Variants in PABPC4L observed in about 807,000 individuals in gnomAD.
The protein encoded by PABPC4L is poly(A) binding protein cytoplasmic 4 like, also known as polyadenylate-binding protein 4-like.
For missense variants in PABPC4L, 452 were observed against 451.4 expected (o/e 1.00, Z -0.01); for synonymous variants, 169 against 164.1 (o/e 1.03, Z -0.23).
the PABPC4L span, among the ~76,000 whole-genome samples, chr4:134,066,753 A>G: frequency 2.4e-4 from 36 of 151,996 alleles, no homozygotes; most frequent in African/African-American, 3.4e-4. Flanking sequence ...ACATGAAGAG[A>G]GGTTGAATTT....
the PABPC4L span, among the ~76,000 whole-genome samples, chr4:133,960,263 G>A: frequency 2.0e-5 from 3 of 152,218 alleles, no homozygotes; most frequent in African/African-American, 4.8e-5. Flanking sequence ...AACTGCAGAA[G>A]TGGGAAAGGA....
chr4:134,059,990 T>C, the PABPC4L span, among the ~76,000 whole-genome samples: 24 of 152,224 alleles, frequency 1.6e-4, no homozygotes, highest in East Asian at 3.1e-3. Flanking sequence ...CCCTCCCACA[T>C]ACTCCAGTAG....
chr4:134,078,828 T>C, the PABPC4L span, among the ~76,000 whole-genome samples: 1 of 151,046 alleles, frequency 6.6e-6, no homozygotes, highest in Non-Finnish European at 1.5e-5. Flanking sequence ...AATTTTTTTT[T>C]CTTTTTTTTC....
the PABPC4L span, among the ~76,000 whole-genome samples, chr4:134,007,286 T>G: frequency 1.4e-4 from 21 of 151,916 alleles, no homozygotes; most frequent in Admixed American, 1.1e-3. Flanking sequence ...TATCTAATTC[T>G]TTTAATATGT....
At chr4:134,058,519 CA>C in the PABPC4L span, among the ~76,000 whole-genome samples, 1 of 151,838 alleles carries the variant, frequency 6.6e-6, no homozygotes, top group Non-Finnish European at 1.5e-5. Context: ...CGAGTTATTG[CA>C]ACAAGATGGA....
the PABPC4L span, among the ~76,000 whole-genome samples, chr4:134,079,916 A>AT: frequency 4.9e-4 from 74 of 151,510 alleles, no homozygotes; most frequent in African/African-American, 1.5e-3. Context: ...GTTTAAAAAA[A>AT]TTTTTTTTTG....
At chr4:133,953,317 T>G in the PABPC4L span, among the ~76,000 whole-genome samples, 4 of 152,176 alleles carry the variant, frequency 2.6e-5, no homozygotes, top group Non-Finnish European at 1.5e-5. Flanking sequence ...TCCTCTACAG[T>G]GGAAACCATG....
chr4:134,077,635 T>C, the PABPC4L span, among the ~76,000 whole-genome samples: 1 of 152,070 alleles, frequency 6.6e-6, no homozygotes, highest in Non-Finnish European at 1.5e-5. Flanking sequence ...ACGTAGAAAG[T>C]CTCTCCTAAG....
chr4:134,087,543 G>C, the PABPC4L span, among the ~76,000 whole-genome samples: 1 of 152,142 alleles, frequency 6.6e-6, no homozygotes, highest in Admixed American at 6.6e-5. Flanking sequence ...CCTAACACCA[G>C]TTGTGCTGCA....
chr4:134,178,824 T>C, the PABPC4L span, among the ~76,000 whole-genome samples: 2 of 151,914 alleles, frequency 1.3e-5, no homozygotes, highest in Non-Finnish European at 2.9e-5. Context: ...TCCTTTGAAA[T>C]AACTCAGAAA....
At chr4:134,123,442 G>T in the PABPC4L span, among the ~76,000 whole-genome samples, 1 of 152,018 alleles carries the variant, frequency 6.6e-6, no homozygotes, top group South Asian at 2.1e-4. Context: ...TTTAACCTCA[G>T]CCAGAAAGGT....
At chr4:134,083,443 A>C in the PABPC4L span, among the ~76,000 whole-genome samples, 1 of 152,270 alleles carries the variant, frequency 6.6e-6, no homozygotes, top group African/African-American at 2.4e-5. Context: ...ATTGATTCTC[A>C]CATTCCTCTC....
At chr4:134,141,724 A>G in the PABPC4L span, among the ~76,000 whole-genome samples, 1 of 151,642 alleles carries the variant, frequency 6.6e-6, no homozygotes, top group African/African-American at 2.4e-5. Context: ...ATATTTTCAT[A>G]TATTTATAAA....
chr4:133,950,778 C>A, the PABPC4L span, among the ~76,000 whole-genome samples: 3 of 152,206 alleles, frequency 2.0e-5, no homozygotes, highest in Non-Finnish European at 4.4e-5. Context: ...TGACTACAAC[C>A]TCCATAGTGT....
the PABPC4L span, among the ~76,000 whole-genome samples, chr4:134,008,264 A>G: frequency 1.3e-5 from 2 of 151,840 alleles, no homozygotes; most frequent in African/African-American, 4.8e-5. Flanking sequence ...TGGCCAATCA[A>G]TTATTTGACT....
chr4:134,045,249 C>T, the PABPC4L span, among the ~76,000 whole-genome samples: 6 of 152,022 alleles, frequency 3.9e-5, no homozygotes, highest in Non-Finnish European at 8.8e-5. Context: ...ATCTATTATA[C>T]CCATGAAAAA....
chr4:134,073,445 G>A, the PABPC4L span, among the ~76,000 whole-genome samples: 1 of 152,194 alleles, frequency 6.6e-6, no homozygotes, highest in Non-Finnish European at 1.5e-5. Context: ...GCAGGGTATA[G>A]GCCCCCTGCT....
At position 134,199,335 on chromosome 4, in the gene PABPC4L, A is replaced by C. The variant is rs563203025; in HGVS notation, c.*572T>G. On this transcript the variant is annotated 3_prime_UTR_variant, in exon 2 of 2. Transcript: ENST00000421491. Reference sequence around the variant, plus strand: ...AATTTAAACCATCCGAAAAACAAGCATGTCAGGATATAAATTTAAAAGAAA... The same window carrying C: ...AATTTAAACCATCCGAAAAACAAGCCTGTCAGGATATAAATTTAAAAGAAA... The C allele has an allele frequency of 3.3e-5, 5 of 152,190 alleles. No individual in the cohort carries two copies. The highest frequency in any genetic ancestry group is 7.4e-5 in the Non-Finnish European group (5 of 68,008). The allele number at this position is 152,190 out of a possible 1,614,324, so 9.4% of individuals were successfully genotyped here.
At chr4:133,957,763 C>G in the PABPC4L span, among the ~76,000 whole-genome samples, 11 of 152,284 alleles carry the variant, frequency 7.2e-5, no homozygotes, top group East Asian at 1.9e-3. Flanking sequence ...TTTTGTGAAC[C>G]CACAGGCTCA....
Sources: allele counts gnomAD v4.1 joint callset (sites outside exome capture counted in the v4.1 genomes callset), GRCh38; gene constraint gnomAD v4.1.1; transcripts MANE v1.5; gene names NCBI Gene and HGNC (gene_info 2026-07-23, HGNC 2026-07-21).